TMEM132D: variants seen among roughly 807,000 people sequenced by gnomAD.
TMEM132D encodes the protein mature OL transmembrane protein.
A neutral mutation model predicts 62.3 loss-of-function variants in TMEM132D; 21 were observed. That is an observed-to-expected ratio of 0.34 (90% CI 0.24 to 0.49). The LOEUF is 0.49. Among genes scored for constraint, TMEM132D ranks in the 20% least tolerant of loss-of-function variants. TMEM132D has a pLI of 0.99. For synonymous variants in TMEM132D, 621 were observed against 575.6 expected (o/e 1.08, Z -1.13); for missense variants, 1,346 against 1,402.8 (o/e 0.96, Z 0.65).
chr12:129,462,348 G>A (rs1003255040), intron 3 of TMEM132D, among the ~76,000 whole-genome samples: 1 of 152,162 alleles, frequency 6.6e-6, no homozygotes, highest in Non-Finnish European at 1.5e-5. Context: ...AACACAAAAA[G>A]AGACGCTCAA....
chr12:129,903,250 G>A lies in TMEM132D; in HGVS notation c.79+11C>T, dbSNP rs1290560856. On this transcript the variant is annotated intron_variant, in intron 1 of 8. Transcript: ENST00000422113. This position sits in a 1 kb window ranked among gnomAD's most constrained non-coding sequence, Gnocchi z 6.2. ...TTAGTCCCCGGGCCCTGGCGGCCGC[G>A]GCGTCCTCACCTTTGGAAAACAGGG... The A allele has an allele frequency of 3.9e-6, 6 of 1,551,678 alleles. No homozygotes were observed. The highest frequency in any genetic ancestry group is 1.4e-5 in the African/African-American group (1 of 73,048).
At chr12:129,214,151 A>C (rs1386801996) in intron 4 of TMEM132D, among the ~76,000 whole-genome samples, 2 of 152,212 alleles carry the variant, frequency 1.3e-5, no homozygotes, top group Non-Finnish European at 2.9e-5. Context: ...TCTGGAGAAC[A>C]CTGCTGTGCT....
intron 1 of TMEM132D, among the ~76,000 whole-genome samples, chr12:129,795,039 G>A (rs1407879462): frequency 6.6e-6 from 1 of 152,058 alleles, no homozygotes; most frequent in Non-Finnish European, 1.5e-5. Context: ...TGTGTGTATT[G>A]CTTTAATACT....
intron 4 of TMEM132D, among the ~76,000 whole-genome samples, chr12:129,244,628 T>TTTTTGTTTTGTTTTG: frequency 6.6e-6 from 1 of 152,044 alleles, no homozygotes; most frequent in South Asian, 2.1e-4. Context: ...TTTTGTTTTA[T>TTTTTGTTTTGTTTTG]TTTTGTTTTG....
chr12:129,725,132 T>C (rs1868985418), intron 1 of TMEM132D, among the ~76,000 whole-genome samples: 1 of 152,186 alleles, frequency 6.6e-6, no homozygotes, highest in South Asian at 2.1e-4. Flanking sequence ...AATGTTTCTG[T>C]GGAATCGACC....
chr12:129,447,827 A>G (rs1873150717), intron 3 of TMEM132D, among the ~76,000 whole-genome samples: 1 of 152,050 alleles, frequency 6.6e-6, no homozygotes, highest in South Asian at 2.1e-4. Flanking sequence ...TTCCTTGTCA[A>G]CTCCACCACT....
chr12:129,480,371 G>C (rs1413958649), intron 3 of TMEM132D, among the ~76,000 whole-genome samples: 1 of 152,254 alleles, frequency 6.6e-6, no homozygotes, highest in Non-Finnish European at 1.5e-5. Context: ...GTCTGGAGCA[G>C]ACAAGTGTCC....
rs763858110 is a variant in TMEM132D at position 129,337,724 on chromosome 12, G to A, written c.1209C>T (p.Val403=). Residue 403 remains valine (V), a synonymous_variant, in exon 4 of 9, where the codon GTC becomes GTT. Coordinates refer to ENST00000422113, the MANE Select transcript of TMEM132D (RefSeq NM_133448.3). ...LPATQLVTWQ[V]EYPGEITSDL... is the part of the protein sequence containing the mutation. The stretch of plus-strand genomic sequence containing the variant: ...CAGACGTGATCTCTCCGGGGTACTC[G>A]ACCTGCCACGTGACCAGCTGTGTGG... 4.1e-5 allele frequency: 66 copies of A among 1,614,052 alleles called. No individual in the cohort carries two copies. Among genetic ancestry groups the A allele is most frequent in the Non-Finnish European group, 5.5e-5 (65 of 1,180,040 alleles).
At chr12:129,574,952 ACT>A (rs1010564781) in intron 2 of TMEM132D, among the ~76,000 whole-genome samples, 1 of 151,484 alleles carries the variant, frequency 6.6e-6, no homozygotes, top group Admixed American at 6.6e-5. Context: ...TCCACCAAAC[ACT>A]CTTCCTGCTT....
At chr12:129,609,534 G>C (rs892146833) in intron 2 of TMEM132D, among the ~76,000 whole-genome samples, 10 of 152,156 alleles carry the variant, frequency 6.6e-5, no homozygotes, top group African/African-American at 2.4e-4. Context: ...CATTAGCAAG[G>C]CTTGGACTCA....
chr12:129,585,478 G>A (rs1034676581), intron 2 of TMEM132D, among the ~76,000 whole-genome samples: 2 of 152,240 alleles, frequency 1.3e-5, no homozygotes, highest in Non-Finnish European at 2.9e-5. Context: ...TTGGTTGGCT[G>A]CGTGTGGGCC....
intron 3 of TMEM132D, among the ~76,000 whole-genome samples, chr12:129,519,472 C>A (rs1344091033): frequency 1.3e-5 from 2 of 151,982 alleles, no homozygotes; most frequent in African/African-American, 4.8e-5. Flanking sequence ...TTTTGAAAGC[C>A]GCATTTCAAT....
At chr12:129,285,160 G>C (rs1881254726) in intron 4 of TMEM132D, among the ~76,000 whole-genome samples, 1 of 152,144 alleles carries the variant, frequency 6.6e-6, no homozygotes, top group Non-Finnish European at 1.5e-5. Context: ...TGTGTAGGAA[G>C]GACAGGTAGT....
chr12:129,199,898 T>A (rs1246631392), intron 5 of TMEM132D, among the ~76,000 whole-genome samples: 2 of 152,162 alleles, frequency 1.3e-5, no homozygotes, highest in Non-Finnish European at 2.9e-5. Flanking sequence ...CAATTCAAGA[T>A]AAGATTTGGG....
chr12:129,272,103 T>C (rs1213182033), intron 4 of TMEM132D, among the ~76,000 whole-genome samples: 1 of 151,780 alleles, frequency 6.6e-6, no homozygotes. Context: ...GGATGCCAGG[T>C]ACTAAAACAT....
intron 3 of TMEM132D, among the ~76,000 whole-genome samples, chr12:129,501,924 AC>A (rs1875155662): frequency 6.6e-6 from 1 of 151,862 alleles, no homozygotes; most frequent in Non-Finnish European, 1.5e-5. Context: ...AAATCCTCAA[AC>A]CGTTACACAT....
chr12:129,880,415 C>A (rs540195803), intron 1 of TMEM132D, among the ~76,000 whole-genome samples: 2 of 152,198 alleles, frequency 1.3e-5, no homozygotes, highest in South Asian at 4.1e-4. Flanking sequence ...AATATCTGCA[C>A]AAAGAACTGA....
intron 4 of TMEM132D, among the ~76,000 whole-genome samples, chr12:129,225,746 G>T (rs903859613): frequency 4.6e-5 from 7 of 152,232 alleles, no homozygotes; most frequent in Admixed American, 1.3e-4. Flanking sequence ...CCTGGCAAAA[G>T]GAAAAAGCAA....
intron 5 of TMEM132D, among the ~76,000 whole-genome samples, chr12:129,166,214 T>C (rs1358306793): frequency 6.6e-6 from 1 of 152,168 alleles, no homozygotes; most frequent in African/African-American, 2.4e-5. Flanking sequence ...TGTAAATGGA[T>C]GCACCCGATG....
Sources: gnomAD v4.1 joint callset for allele counts (sites outside exome capture counted in the v4.1 genomes callset) on GRCh38, gnomAD v4.1.1 for gene constraint, Gnocchi (gnomAD v3.1) non-coding constraint, MANE v1.5 for transcripts, NCBI Gene and HGNC (gene_info 2026-07-23, HGNC 2026-07-21) for gene names.